Variants in SCTR observed in about 807,000 individuals in gnomAD.
SCTR encodes the protein secretin receptor.
A neutral mutation model predicts 60.8 loss-of-function variants in SCTR; 56 were observed. The observed-to-expected ratio is 0.92, with a 90% confidence interval of 0.74 to 1.15. SCTR has a LOEUF of 1.15. Ranked by LOEUF, SCTR falls within the 50% of genes most tolerant of loss-of-function variation. The pLI is 0.00. For missense variants in SCTR, 562 were observed against 550.4 expected (o/e 1.02, Z -0.21); for synonymous variants, 202 against 217.0 (o/e 0.93, Z 0.61).
At chr2:119,466,663 A>G (rs1231689552) in intron 4 of SCTR, among the ~76,000 whole-genome samples, 1 of 152,128 alleles carries the variant, frequency 6.6e-6, no homozygotes, top group African/African-American at 2.4e-5. Flanking sequence ...AGGTAGGAGG[A>G]TCACTCCAGC....
chr2:119,494,530 G>T lies in SCTR; in HGVS notation c.91C>A (p.Leu31Ile). 1 of 1,614,008 alleles carries T rather than the reference G, an allele frequency of 6.2e-7. No individual in the cohort carries two copies. The highest frequency in any genetic ancestry group is 8.5e-7 in the Non-Finnish European group (1 of 1,179,912). Residue 31 changes from leucine to isoleucine, a missense_variant, in exon 2 of 13, where the codon CTA becomes ATA. Transcript: ENST00000019103. Reference sequence around the variant, plus strand: ...CACAGCACTTGTAGCACGTCACATAGTCGGGGAAGGGCTCCAGTCTGCAAG... The same window carrying T: ...CACAGCACTTGTAGCACGTCACATATTCGGGGAAGGGCTCCAGTCTGCAAG... Reference protein sequence around the residue: ...AAHSTGALPRLCDVLQVLWEE... With the variant: ...AAHSTGALPRICDVLQVLWEE...
At chr2:119,518,362 G>GAAAGACA in intron 1 of SCTR, among the ~76,000 whole-genome samples, 1 of 144,098 alleles carries the variant, frequency 6.9e-6, no homozygotes, top group African/African-American at 2.9e-5. Context: ...TGAGAGGGAG[G>GAAAGACA]CGGGAGGTGA....
chr2:119,497,593 A>C (rs1678399178), intron 1 of SCTR, among the ~76,000 whole-genome samples: 1 of 151,278 alleles, frequency 6.6e-6, no homozygotes, highest in South Asian at 2.1e-4. Flanking sequence ...CAAAAAGGAA[A>C]GGAAAGGAAG....
chr2:119,491,560 G>A (rs529113158), intron 2 of SCTR, among the ~76,000 whole-genome samples: 33 of 152,210 alleles, frequency 2.2e-4, no homozygotes, highest in South Asian at 2.1e-3. Flanking sequence ...TGCCCAGGCT[G>A]GAGTGCAATG....
At chr2:119,446,727 TTCAGC>T in intron 11 of SCTR, 27 bp downstream of exon 11, 1 of 1,453,980 alleles carries the variant, frequency 6.9e-7, no homozygotes, top group African/African-American at 1.4e-5. Flanking sequence ...AACTCCTCTT[TTCAGC>T]TGGCAGCCCC....
Position 119,439,929 on chromosome 2 carries a change from T to C in SCTR, c.*188A>G, listed in dbSNP as rs73948696. On this transcript the variant is annotated 3_prime_UTR_variant, in exon 13 of 13. Transcript: ENST00000019103. ...TTCCCAGAAGAGCAAACGAACCAAA[T>C]CCCAGGCCCTTGTCCTGCCCCACAG... 4,461 of 591,606 alleles carry C rather than the reference T, an allele frequency of 7.5e-3. 178 individuals are homozygous for C. The highest frequency in any genetic ancestry group is 0.075 in the African/African-American group (4,040 of 53,962). 36.6% of individuals were successfully genotyped at this position (591,606 alleles called of 1,614,324 possible). A position where few individuals can be genotyped will look rare whatever the true frequency, so the allele number is the denominator to read the frequency against.
chr2:119,458,558 G>A (rs1232462480), intron 7 of SCTR, among the ~76,000 whole-genome samples: 6 of 149,362 alleles, frequency 4.0e-5, no homozygotes, highest in East Asian at 4.0e-4. Flanking sequence ...CCCAGATTGC[G>A]CCACTGCACT....
chr2:119,452,014 A>G lies in SCTR; in HGVS notation c.917T>C (p.Ile306Thr), dbSNP rs1328425463. Reference sequence around the variant, plus strand: ...AGGGAGAGGAGGGCCACTCACCAGGATGGAGAGGATCACAGGACCACGAAT... The same window carrying G: ...AGGGAGAGGAGGGCCACTCACCAGGGTGGAGAGGATCACAGGACCACGAAT... Reference protein sequence around the residue: ...WIIRGPVILSILINFILFINI... With the variant: ...WIIRGPVILSTLINFILFINI... The change falls in exon 9 of 13, where the codon ATC becomes ACC. Residue 306 changes from isoleucine to threonine, a missense_variant. By Grantham distance (89) the Ile-to-Thr change is moderately conservative. Transcript: ENST00000019103. 2 of 1,596,172 alleles carry G rather than the reference A, an allele frequency of 1.3e-6. No individual in the cohort carries two copies. The highest frequency in any genetic ancestry group is 1.3e-5 in the African/African-American group (1 of 74,612).
rs141921950 is a variant in SCTR at position 119,483,801 on chromosome 2, C to G, written c.194-4883G>C. 1.3e-3 allele frequency among the ~76,000 whole-genome samples: 198 copies of G among 152,238 alleles called. 2 individuals carry two copies. The highest frequency in any genetic ancestry group is 4.5e-3 in the African/African-American group (185 of 41,532). Reference sequence around the variant, plus strand: ...GAAGGAAATCATAGCACAGGAGGTGCGTGGCTCTAGCCAGGCTGGAGGGAA... The same window carrying G: ...GAAGGAAATCATAGCACAGGAGGTGGGTGGCTCTAGCCAGGCTGGAGGGAA... On this transcript the variant is annotated intron_variant, in intron 2 of 12. Coordinates refer to ENST00000019103, the MANE Select transcript of SCTR (RefSeq NM_002980.3).
intron 2 of SCTR, chr2:119,484,615 G>A (rs1174443526): frequency 3.6e-5 from 2 of 55,222 alleles, no homozygotes; most frequent in Non-Finnish European, 7.8e-5. Flanking sequence ...TGATATGTGG[G>A]TGCGGTGGAA....
rs1677462752 is a variant in SCTR at position 119,478,850 on chromosome 2, C to T, written c.262G>A (p.Glu88Lys). The change falls in exon 3 of 13, where the codon GAA becomes AAA. Residue 88 changes from glutamate to lysine, a missense_variant. By Grantham distance (56) the Glu-to-Lys change is moderately conservative. Coordinates refer to ENST00000019103, the MANE Select transcript of SCTR (RefSeq NM_002980.3). ...SSVPGRMVEV[E>K]CPRFLRMLTS... ...AGCATCCGGAGGAATCTCGGGCATT[C>T]CACCTCCACCATCCGGCCCGGCACA... The T allele has an allele frequency of 1.2e-6, 2 of 1,614,058 alleles. No homozygotes were observed. Among genetic ancestry groups the T allele is most frequent in the South Asian group, 1.1e-5 (1 of 91,086 alleles).
intron 6 of SCTR, among the ~76,000 whole-genome samples, chr2:119,462,450 G>A (rs540964585): frequency 2.0e-5 from 3 of 152,372 alleles, no homozygotes; most frequent in Non-Finnish European, 4.4e-5. Context: ...ATGAAGGGAT[G>A]TGCCAACTCT....
chr2:119,488,574 G>C lies in SCTR; in HGVS notation c.193+5854C>G, dbSNP rs150225816. Among the ~76,000 whole-genome samples, 215 of 152,348 alleles carry C rather than the reference G, an allele frequency of 1.4e-3. 1 individual carries two copies. In the East Asian group the frequency reaches 0.029, roughly 20 times the overall value. ...GTCAACCTGGAATTGAGACATGGACGTGGGTGCAACTTCCCGGAGTAATGT... is the reference window on the plus strand; with the variant it reads ...GTCAACCTGGAATTGAGACATGGACCTGGGTGCAACTTCCCGGAGTAATGT... On this transcript the variant is annotated intron_variant, in intron 2 of 12. Transcript: ENST00000019103.
intron 1 of SCTR, among the ~76,000 whole-genome samples, chr2:119,504,940 A>G (rs1678683355): frequency 6.6e-6 from 1 of 152,244 alleles, no homozygotes; most frequent in East Asian, 1.9e-4. Flanking sequence ...CAGAAGATAT[A>G]CAGATGGCAC....
intron 1 of SCTR, 96 bp from the exon 2 acceptor site, chr2:119,494,644 T>C (rs1049517151): frequency 1.5e-6 from 2 of 1,348,154 alleles, no homozygotes; most frequent in Non-Finnish European, 2.1e-6. Flanking sequence ...TCAATGGGGA[T>C]TCAAGTAAAG....
chr2:119,461,760 C>A, intron 7 of SCTR, 87 bp downstream of exon 7: 1 of 912,286 alleles, frequency 1.1e-6, no homozygotes, highest in Non-Finnish European at 1.6e-6. Context: ...AAGTGTGGAG[C>A]TGGAACTAAA....
chr2:119,475,315 C>T (rs904246119), intron 3 of SCTR, among the ~76,000 whole-genome samples: 3 of 152,212 alleles, frequency 2.0e-5, no homozygotes, highest in African/African-American at 4.8e-5. Context: ...TATAAGACAG[C>T]GCGTGCCTAG....
chr2:119,449,372 G>GT (rs1428315524), intron 9 of SCTR, among the ~76,000 whole-genome samples: 4 of 152,154 alleles, frequency 2.6e-5, no homozygotes, highest in Non-Finnish European at 5.9e-5. Flanking sequence ...CTGATTCACC[G>GT]TATTTAGGGA....
chr2:119,446,975 G>A (rs796425361), intron 10 of SCTR, 90 bp from the exon 11 acceptor site: 45 of 1,279,848 alleles, frequency 3.5e-5, no homozygotes, highest in Middle Eastern at 6.2e-4. Flanking sequence ...TCCCCAGCTC[G>A]GGACTGACTG....
Sources: gnomAD v4.1 joint callset for allele counts (sites outside exome capture counted in the v4.1 genomes callset) on GRCh38, gnomAD v4.1.1 for gene constraint, MANE v1.5 for transcripts, NCBI Gene and HGNC (gene_info 2026-07-23, HGNC 2026-07-21) for gene names.